The following ADAM18 variants were observed in gnomAD, a reference collection of about 807,000 sequenced individuals.
ADAM18 encodes the protein ADAM metallopeptidase domain 18.
A neutral mutation model predicts 94.4 loss-of-function variants in ADAM18; 117 were observed. The ratio of observed to expected loss-of-function variants is 1.24; its 90% confidence interval spans 1.07 to 1.45. ADAM18 has a LOEUF of 1.45. Among genes scored for constraint, ADAM18 ranks in the 40% most tolerant of loss-of-function variants. The pLI, the probability that ADAM18 is intolerant of heterozygous loss-of-function variation, is 0.00. For missense variants in ADAM18, 936 were observed against 880.0 expected (o/e 1.06, Z -0.81); for synonymous variants, 327 against 291.6 (o/e 1.12, Z -1.24).
At chr8:39,708,364 T>A (rs951259740) in intron 18 of ADAM18, among the ~76,000 whole-genome samples, 1 of 152,208 alleles carries the variant, frequency 6.6e-6, no homozygotes, top group East Asian at 1.9e-4. Flanking sequence ...TTTTAAAATC[T>A]CATATAGAAT....
intron 14 of ADAM18, among the ~76,000 whole-genome samples, chr8:39,669,747 C>T (rs531825466): frequency 7.0e-4 from 106 of 152,152 alleles, no homozygotes; most frequent in Middle Eastern, 3.4e-3. Context: ...CAAGTCTTTG[C>T]TATTGTGAAT....
At position 39,667,990 on chromosome 8, in the gene ADAM18, C is replaced by T. The variant is rs762964848; in HGVS notation, c.1327-8C>T. On this transcript the variant is annotated splice_region_variant and splice_polypyrimidine_tract_variant and intron_variant, in intron 13 of 19. Transcript: ENST00000265707. Reference sequence around the variant, plus strand: ...AGAACTTAATTTTATTTTTCCTTTTCCTCCCAGTTGTCAATAGCAGGCACT... The same window carrying T: ...AGAACTTAATTTTATTTTTCCTTTTTCTCCCAGTTGTCAATAGCAGGCACT... 8.1e-6 allele frequency: 13 copies of T among 1,610,658 alleles called. No individual in the cohort carries two copies. The highest frequency in any genetic ancestry group is 1.1e-5 in the Non-Finnish European group (13 of 1,178,050).
At chr8:39,584,721 TG>T (rs748261087) in intron 1 of ADAM18, 44 bp downstream of exon 1, 20 of 1,598,272 alleles carry the variant, frequency 1.3e-5, no homozygotes, top group Non-Finnish European at 1.7e-5. Context: ...ACTTTATAGC[TG>T]GGCTGGGCTC....
At chr8:39,648,255 T>A in intron 11 of ADAM18, 89 bp from the exon 12 acceptor site, 1 of 1,045,446 alleles carries the variant, frequency 9.6e-7, no homozygotes, top group Non-Finnish European at 1.3e-6. Flanking sequence ...GTGGCCATCT[T>A]GTGATTTACA....
At chr8:39,715,118 A>C (rs1822535308) in intron 18 of ADAM18, among the ~76,000 whole-genome samples, 1 of 152,100 alleles carries the variant, frequency 6.6e-6, no homozygotes, top group African/African-American at 2.4e-5. Context: ...ATGAAATCCT[A>C]CTATGTATGT....
rs1311919485 is a variant in ADAM18, at chr8:39,637,278, A to G, written c.603A>G (p.Gly201=). The change falls in exon 8 of 20, where the codon GGA becomes GGG. Residue 201 remains glycine (G), a synonymous_variant. Transcript: ENST00000265707. ...TTCTTTTTCAGTATGATTATATGGG[A>G]TCTGAAATGATGGCTGTAACACAAA... ...IVEKALYDYM[G]SEMMAVTQKI... 1.2e-6 allele frequency: 2 copies of G among 1,605,374 alleles called. No homozygotes were observed. The highest frequency in any genetic ancestry group is 1.7e-6 in the Non-Finnish European group (2 of 1,175,464).
chr8:39,612,254 G>A (rs1056911807), intron 6 of ADAM18, among the ~76,000 whole-genome samples: 1 of 152,112 alleles, frequency 6.6e-6, no homozygotes, highest in Non-Finnish European at 1.5e-5. Flanking sequence ...TTGGAAGGAA[G>A]GAATTGAGGG....
intron 2 of ADAM18, among the ~76,000 whole-genome samples, chr8:39,592,884 A>AG (rs1818617600): frequency 6.6e-6 from 1 of 152,178 alleles, no homozygotes; most frequent in Non-Finnish European, 1.5e-5. Context: ...GAAAGTCTCT[A>AG]GCTGAGTCCT....
At chr8:39,728,851 G>T (rs1261388405) in intron 19 of ADAM18, among the ~76,000 whole-genome samples, 2 of 152,112 alleles carry the variant, frequency 1.3e-5, no homozygotes, top group African/African-American at 4.8e-5. Context: ...ATACAAGCAA[G>T]AGTATTCCAT....
intron 5 of ADAM18, 50 bp from the exon 6 acceptor site, chr8:39,610,479 T>A (rs369574720): frequency 1.3e-6 from 2 of 1,527,100 alleles, no homozygotes; most frequent in Non-Finnish European, 1.8e-6. Flanking sequence ...TTTGAAGGGA[T>A]CATTTGTGAG....
At chr8:39,722,019 C>T (rs1822763795) in intron 18 of ADAM18, among the ~76,000 whole-genome samples, 1 of 150,288 alleles carries the variant, frequency 6.7e-6, no homozygotes, top group African/African-American at 2.4e-5. Flanking sequence ...GGATAAAGAA[C>T]ACATTATATA....
intron 2 of ADAM18, among the ~76,000 whole-genome samples, chr8:39,589,230 C>T (rs1818498623): frequency 6.6e-6 from 1 of 152,210 alleles, no homozygotes; most frequent in South Asian, 2.1e-4. Flanking sequence ...GCCAAGCCAA[C>T]TCCTTAATGT....
At chr8:39,622,195 A>G (rs1418702418) in intron 6 of ADAM18, among the ~76,000 whole-genome samples, 1 of 151,652 alleles carries the variant, frequency 6.6e-6, no homozygotes, top group Non-Finnish European at 1.5e-5. Context: ...TTGTTTTTCT[A>G]AAAACAAGTA....
intron 2 of ADAM18, among the ~76,000 whole-genome samples, chr8:39,596,892 T>C (rs1818756648): frequency 6.6e-6 from 1 of 152,204 alleles, no homozygotes; most frequent in Non-Finnish European, 1.5e-5. Flanking sequence ...AATATTTTAT[T>C]TTTAATTTGC....
At chr8:39,661,468 C>T (rs1820838237) in intron 12 of ADAM18, among the ~76,000 whole-genome samples, 3 of 151,692 alleles carry the variant, frequency 2.0e-5, no homozygotes, top group Non-Finnish European at 4.4e-5. Context: ...GCCACCATTC[C>T]CAGCCTCTCT....
In ADAM18 at chr8:39,721,657, G is replaced by T. The variant is rs185460475; in HGVS notation, c.2018-2091G>T. ...TCCAAGAGGCCAAAAAACATATGAA[G>T]AAATGATCAGCATCACTAATCATCA... On this transcript the variant is annotated intron_variant, in intron 18 of 19. Transcript: ENST00000265707. Among the ~76,000 whole-genome samples, 9 of 151,224 alleles carry T rather than the reference G, an allele frequency of 6.0e-5. No individual in the cohort carries two copies. The East Asian group carries it at 1.7e-3, about 29-fold the overall frequency.
chr8:39,675,839 G>C (rs1821286097), intron 14 of ADAM18, among the ~76,000 whole-genome samples: 1 of 151,876 alleles, frequency 6.6e-6, no homozygotes. Flanking sequence ...TGACATTGAT[G>C]CTATTTCTTT....
chr8:39,646,336 A>AAATTAAACATAATTTTATGTTTT (rs1169717593), intron 11 of ADAM18, among the ~76,000 whole-genome samples: 9 of 152,182 alleles, frequency 5.9e-5, no homozygotes, highest in African/African-American at 9.6e-5. Context: ...AACATAATGA[A>AAATTAAACATAATTTTATGTTTT]AATTAAACAT....
chr8:39,701,105 A>G (rs1278602489), intron 17 of ADAM18, among the ~76,000 whole-genome samples: 3 of 121,638 alleles, frequency 2.5e-5, no homozygotes, highest in African/African-American at 8.9e-5. Flanking sequence ...GCGACAGAGC[A>G]AGACTCTGTC....
Sources: gnomAD v4.1 joint callset for allele counts (sites outside exome capture counted in the v4.1 genomes callset) on GRCh38, gnomAD v4.1.1 for gene constraint, MANE v1.5 for transcripts, NCBI Gene and HGNC (gene_info 2026-07-23, HGNC 2026-07-21) for gene names.